NIN: variants seen among roughly 807,000 people sequenced by gnomAD.
NIN encodes glycogen synthase kinase 3 beta-interacting protein.
Under a neutral mutation model 257.6 loss-of-function variants are expected in NIN, and 137 were observed. That is an observed-to-expected ratio of 0.53 (90% confidence interval 0.46 to 0.61). The LOEUF (loss-of-function observed/expected upper bound fraction) is 0.61, where lower values mean the gene tolerates loss of function less well. Among genes scored for constraint, NIN ranks in the 20% least tolerant of loss-of-function variants. NIN has a pLI of 0.00. For synonymous variants in NIN, 918 were observed against 919.8 expected, an observed-to-expected ratio of 1.00 and a Z score of 0.04; for missense variants, 2,439 against 2,501.2, an observed-to-expected ratio of 0.98 and a Z score of 0.53.
At chr14:50,809,730 T>C (rs2044493624) in intron 3 of NIN, among the ~76,000 whole-genome samples, 2 of 152,232 alleles carry the variant, frequency 1.3e-5, no homozygotes, top group African/African-American at 2.4e-5. Context: ...AAGACATCTA[T>C]AATCTGGAAT....
chr14:50,775,174 A>G (rs2042874659), intron 7 of NIN, among the ~76,000 whole-genome samples: 1 of 152,170 alleles, frequency 6.6e-6, no homozygotes, highest in African/African-American at 2.4e-5. Context: ...ATGGAGCCAA[A>G]TCTTTGGAGT....
Position 50,732,671 on chromosome 14 carries a change from C to T in NIN, c.5877+2845G>A, listed in dbSNP as rs3015491. Among the ~76,000 whole-genome samples the T allele has an allele frequency of 3.6e-3, 550 of 152,116 alleles. 10 individuals carry two copies. The highest frequency in any genetic ancestry group is 0.013 in the African/African-American group (526 of 41,514). The stretch of plus-strand genomic sequence containing the variant: ...CATTGAATTGTACACCTGAAATATG[C>T]GAACTACATAATATGTGAATTATAC... On this transcript the variant is annotated intron_variant, in intron 28 of 30. Transcript: ENST00000530997.
Position 50,765,735 on chromosome 14 carries a change from GAAAA to G in NIN, c.1635+568_1635+571del, listed in dbSNP as rs890013498. Reference sequence around the variant, plus strand: ...ATAAATGGAGTAAAAAATGTATTCAGAAAAAAAAAAACCCACAGGACAAAACCAA... The same window carrying G: ...ATAAATGGAGTAAAAAATGTATTCAGAAAAAAACCCACAGGACAAAACCAA... On this transcript the variant is annotated intron_variant, in intron 14 of 30. Coordinates refer to ENST00000530997, the MANE Select transcript of NIN (RefSeq NM_020921.4). 4.9e-3 allele frequency among the ~76,000 whole-genome samples: 632 copies of G among 128,132 alleles called. 4 individuals carry two copies. Among genetic ancestry groups the G allele is most frequent in the African/African-American group, 0.017 (593 of 35,040 alleles). The allele number at this position is 128,132 out of a possible 152,430, so 84.1% of individuals were successfully genotyped here.
rs963750288 is a variant in NIN at position 50,723,791 on chromosome 14, TTC to T, written c.6193-121_6193-120del. On this transcript the variant is annotated intron_variant, in intron 30 of 30. Transcript: ENST00000530997. The stretch of plus-strand genomic sequence containing the variant: ...AGGCAAATCACTTCGTCTAATTATA[TTC>T]TTTTATTTTACAAAATAGCTTTAAC... The T allele has an allele frequency of 6.5e-6, 5 of 763,956 alleles. No homozygotes were observed. The African/African-American group carries it at 8.8e-5, about 14-fold the overall frequency. 47.3% of individuals were successfully genotyped at this position (763,956 alleles called of 1,614,324 possible).
chr14:50,728,194 C>G (rs1271645776), intron 29 of NIN, among the ~76,000 whole-genome samples: 3 of 151,978 alleles, frequency 2.0e-5, no homozygotes, highest in African/African-American at 4.8e-5. Context: ...TGAGAAGAAT[C>G]TTGGCGGATC....
At position 50,752,570 on chromosome 14, in the gene NIN, C is replaced by T. The variant is rs375891968; in HGVS notation, c.4898G>A (p.Arg1633Gln). 1.1e-4 allele frequency: 176 copies of T among 1,613,924 alleles called. 1 individual carries two copies. Among genetic ancestry groups the T allele is most frequent in the Non-Finnish European group, 1.4e-4 (161 of 1,179,986 alleles). ...KEPGNSALEEREQEKFNLKEE... is the reference protein window; with the variant it reads ...KEPGNSALEEQEQEKFNLKEE... ...TTTCAGATTAAACTTCTCTTGTTCCCGTTCCTCCAATGCACTGTTTCCTGG... is the reference window on the plus strand; with the variant it reads ...TTTCAGATTAAACTTCTCTTGTTCCTGTTCCTCCAATGCACTGTTTCCTGG... Residue 1633 changes from arginine to glutamine, a missense_variant, in exon 21 of 31, where the codon CGG becomes CAG. Transcript: ENST00000530997.
chr14:50,739,367 C>G lies in NIN; in HGVS notation c.5569G>C (p.Glu1857Gln), dbSNP rs377247669. 2 of 1,614,116 alleles carry G rather than the reference C, an allele frequency of 1.2e-6. No homozygotes were observed. The highest frequency in any genetic ancestry group is 2.7e-5 in the African/African-American group (2 of 74,942). The change falls in exon 26 of 31, where the codon GAG becomes CAG. Residue 1857 changes from glutamate to glutamine, a missense_variant. Physicochemically the swap from Glu to Gln is conservative, Grantham distance 29 (BLOSUM62 2). This residue lies in a region of NIN where 2,043 missense variants were observed against 2,050.2 expected (regional missense o/e 1.00). Coordinates refer to ENST00000530997, the MANE Select transcript of NIN (RefSeq NM_020921.4). Reference sequence around the variant, plus strand: ...TTCTGTACCATGGTCTGGAGCCTCTCATTCTCTTGCCAAAGCAGCTGCTGT... The same window carrying G: ...TTCTGTACCATGGTCTGGAGCCTCTGATTCTCTTGCCAAAGCAGCTGCTGT... ...EEQQLLWQEN[E>Q]RLQTMVQNTK...
rs562168115 is a variant in NIN at position 50,746,312 on chromosome 14, T to A, written c.5064+1680A>T. On this transcript the variant is annotated intron_variant, in intron 22 of 30. Transcript: ENST00000530997. ...TTCACCACACTACAGAAAGGCCCCA[T>A]GAGTTTTAACTTCTGTTATGTTTAT... Among the ~76,000 whole-genome samples the A allele has an allele frequency of 2.0e-5, 3 of 152,338 alleles. No individual in the cohort carries two copies. The East Asian group carries it at 5.8e-4, about 29-fold the overall frequency.
chr14:50,822,142 C>T, intron 2 of NIN, 65 bp from the exon 3 acceptor site: 1 of 1,172,674 alleles, frequency 8.5e-7, no homozygotes, highest in Non-Finnish European at 1.2e-6. Flanking sequence ...TGGTCACCAC[C>T]TGGCACATTC....
Position 50,760,441 on chromosome 14 carries a change from T to C in NIN, c.1897-82A>G. The stretch of plus-strand genomic sequence containing the variant: ...GAAGTGATGGAGCAGCAATTGCTTT[T>C]TTTTTTTTTTTTTTTTTCCCTACAA... On this transcript the variant is annotated intron_variant, in intron 16 of 30. Transcript: ENST00000530997. 20 of 753,818 alleles carry C rather than the reference T, an allele frequency of 2.7e-5. No individual in the cohort carries two copies. In the Admixed American group the frequency reaches 2.8e-4, roughly 11 times the overall value. The allele number at this position is 753,818 out of a possible 1,614,324, so 46.7% of individuals were successfully genotyped here. A position where few individuals can be genotyped will look rare whatever the true frequency, so the allele number is the denominator to read the frequency against.
intron 22 of NIN, among the ~76,000 whole-genome samples, chr14:50,745,372 T>C (rs1257362581): frequency 1.3e-5 from 2 of 152,198 alleles, no homozygotes; most frequent in South Asian, 4.1e-4. Flanking sequence ...CTTCACCCTA[T>C]TGAAAACCCA....
chr14:50,739,558 A>AT (rs1302472247), intron 25 of NIN, 71 bp from the exon 26 acceptor site: 1 of 1,446,838 alleles, frequency 6.9e-7, no homozygotes, highest in Non-Finnish European at 9.5e-7. Context: ...GACAGGTGTC[A>AT]TGTTTACCCA....
chr14:50,730,067 C>CTG (rs33973579), intron 28 of NIN, among the ~76,000 whole-genome samples: 124,578 of 151,988 alleles, frequency 0.82, 51,620 homozygotes, highest in African/African-American at 0.94. Flanking sequence ...CTTTTAAAAA[C>CTG]GGGTTGGAGA....
At chr14:50,745,887 G>A (rs2041513347) in intron 22 of NIN, among the ~76,000 whole-genome samples, 1 of 152,082 alleles carries the variant, frequency 6.6e-6, no homozygotes, top group South Asian at 2.1e-4. Context: ...ATGCCTTCTA[G>A]GTCCACGTTG....
Position 50,772,334 on chromosome 14 carries a change from T to G in NIN, c.948A>C (p.Glu316Asp). 2 of 1,613,224 alleles carry G rather than the reference T, an allele frequency of 1.2e-6. No homozygotes were observed. The highest frequency in any genetic ancestry group is 1.7e-6 in the Non-Finnish European group (2 of 1,179,244). Residue 316 changes from glutamate to aspartate, a missense_variant, in exon 9 of 31, where the codon GAA (glutamate) becomes GAC (aspartate). By Grantham distance (45) the Glu-to-Asp change is conservative. Coordinates refer to ENST00000530997, the MANE Select transcript of NIN (RefSeq NM_020921.4). ...SVERILDTWQEEGIENSQEIL... is the reference protein window; with the variant it reads ...SVERILDTWQDEGIENSQEIL... ...TCTCCTGGCTGTTCTCAATGCCCTCTTCCTGCCAGGTGTCCAGTATTCTCT... is the reference window on the plus strand; with the variant it reads ...TCTCCTGGCTGTTCTCAATGCCCTCGTCCTGCCAGGTGTCCAGTATTCTCT...
intron 4 of NIN, chr14:50,806,054 A>G (rs912223386): frequency 6.6e-6 from 1 of 152,264 alleles, no homozygotes; most frequent in African/African-American, 2.4e-5. Flanking sequence ...ATGAGAATTT[A>G]CAATTAATGT....
At chr14:50,772,701 A>G (rs1256314854) in intron 8 of NIN, among the ~76,000 whole-genome samples, 1 of 152,212 alleles carries the variant, frequency 6.6e-6, no homozygotes, top group Non-Finnish European at 1.5e-5. Flanking sequence ...TATGTCCCTA[A>G]TTAACACCAG....
intron 11 of NIN, 64 bp from the exon 12 acceptor site, chr14:50,770,626 C>T (rs141158739): frequency 6.4e-7 from 1 of 1,560,376 alleles, no homozygotes; most frequent in Non-Finnish European, 8.7e-7. Context: ...ATCAATCTAC[C>T]AAAAATGGAA....
rs556312628 is a variant in NIN, at chr14:50,722,189, T to C, written c.*1274A>G. The C allele has an allele frequency of 1.8e-5, 4 of 227,272 alleles. No homozygotes were observed. The highest frequency in any genetic ancestry group is 8.9e-5 in the African/African-American group (4 of 44,986). The allele number at this position is 227,272 out of a possible 1,614,324, so 14.1% of individuals were successfully genotyped here. A position where few individuals can be genotyped will look rare whatever the true frequency, so the allele number is the denominator to read the frequency against. On this transcript the variant is annotated 3_prime_UTR_variant, in exon 31 of 31. Coordinates refer to ENST00000530997, the MANE Select transcript of NIN (RefSeq NM_020921.4). ...AAAAAAAAGGTTACCGAATCTAAAA[T>C]GTTGACTGTTCTATAAAGTTTTGAT...
Sources: allele counts gnomAD v4.1 joint callset (sites outside exome capture counted in the v4.1 genomes callset), GRCh38; gene constraint gnomAD v4.1.1; regional missense constraint gnomAD v4.1.1; transcripts MANE v1.5; gene names NCBI Gene and HGNC (gene_info 2026-07-23, HGNC 2026-07-21).